The following ASCC3 variants were observed in gnomAD, a reference collection of about 807,000 sequenced individuals.
ASCC3 encodes the protein activating signal cointegrator 1 complex subunit 3.
ASCC3 carries 158 observed loss-of-function variants against 256.3 expected under a neutral mutation model. The observed-to-expected ratio is 0.62, with a 90% CI of 0.54 to 0.70. The LOEUF is 0.70. Among genes scored for constraint, ASCC3 ranks in the 30% least tolerant of loss-of-function variants. The pLI, the probability that ASCC3 is intolerant of heterozygous loss-of-function variation, is 0.00. For synonymous variants in ASCC3, 948 were observed against 883.4 expected (o/e 1.07, Z -1.30); for missense variants, 2,259 against 2,626.0 (o/e 0.86, Z 3.05).
At chr6:100,534,008 C>T (rs1010666689) in intron 37 of ASCC3, among the ~76,000 whole-genome samples, 2 of 152,146 alleles carry the variant, frequency 1.3e-5, no homozygotes, top group African/African-American at 2.4e-5. Flanking sequence ...CAGGGCTGGG[C>T]GTGGTGGCTC....
chr6:100,752,409 T>C lies in ASCC3; in HGVS notation c.1737+14156A>G, dbSNP rs150738925. Among the ~76,000 whole-genome samples, 49 of 152,214 alleles carry C rather than the reference T, an allele frequency of 3.2e-4. No individual in the cohort carries two copies. The East Asian group carries it at 8.9e-3, about 28-fold the overall frequency. On this transcript the variant is annotated intron_variant, in intron 10 of 41. Transcript: ENST00000369162. Reference sequence around the variant, plus strand: ...TAGAAATTATATATGGAAACCCAAATAAAGTGGCATTACATTTCCAACTTA... The same window carrying C: ...TAGAAATTATATATGGAAACCCAAACAAAGTGGCATTACATTTCCAACTTA...
chr6:100,723,906 A>T (rs1469718687), intron 11 of ASCC3, among the ~76,000 whole-genome samples: 2 of 142,088 alleles, frequency 1.4e-5, no homozygotes, highest in African/African-American at 5.1e-5. Flanking sequence ...ATTTATAATT[A>T]TATATATGAC....
intron 13 of ASCC3, among the ~76,000 whole-genome samples, chr6:100,697,150 C>T (rs963575117): frequency 1.3e-5 from 2 of 151,970 alleles, no homozygotes; most frequent in African/African-American, 4.8e-5. Flanking sequence ...AAAGCACATA[C>T]ATGCAGGGCC....
At chr6:100,669,095 TAAAAG>T (rs1243001693) in intron 14 of ASCC3, among the ~76,000 whole-genome samples, 1 of 151,160 alleles carries the variant, frequency 6.6e-6, no homozygotes, top group Non-Finnish European at 1.5e-5. Context: ...CTAAATAAAA[TAAAAG>T]AATTTGGAAA....
intron 36 of ASCC3, among the ~76,000 whole-genome samples, chr6:100,572,161 GAAGTGGGGGCTTT>G (rs1222209582): frequency 6.6e-6 from 1 of 152,130 alleles, no homozygotes; most frequent in Admixed American, 6.6e-5. Flanking sequence ...ATGGTGTTTG[GAAGTGGGGGCTTT>G]GGGGAGGGGG....
intron 2 of ASCC3, among the ~76,000 whole-genome samples, chr6:100,864,833 G>C (rs2114548234): frequency 6.6e-6 from 1 of 152,250 alleles, no homozygotes; most frequent in Admixed American, 6.5e-5. Context: ...CAAGGTGTTG[G>C]CAGGTTTGGG....
At chr6:100,662,659 T>C in intron 14 of ASCC3, 123 bp from the exon 15 acceptor site, 1 of 837,582 alleles carries the variant, frequency 1.2e-6, no homozygotes. Context: ...AAGGTATTAC[T>C]AGGTCTTAGT....
At chr6:100,694,146 G>T (rs1180148012) in intron 13 of ASCC3, among the ~76,000 whole-genome samples, 2 of 151,340 alleles carry the variant, frequency 1.3e-5, no homozygotes, top group African/African-American at 4.9e-5. Context: ...AATATTTTTG[G>T]GAAAAAAATT....
At chr6:100,803,849 C>G (rs956414984) in intron 5 of ASCC3, among the ~76,000 whole-genome samples, 1 of 152,018 alleles carries the variant, frequency 6.6e-6, no homozygotes, top group Non-Finnish European at 1.5e-5. Context: ...GAGGACGTAA[C>G]TTACAAGAAG....
In ASCC3 at chr6:100,661,769, A is replaced by G. The variant is rs1776231991; in HGVS notation, c.2703+37T>C. The G allele has an allele frequency of 1.9e-6, 3 of 1,591,088 alleles. No individual in the cohort carries two copies. The Admixed American group carries it at 5.0e-5, about 27-fold the overall frequency. On this transcript the variant is annotated intron_variant, in intron 16 of 41. Coordinates refer to ENST00000369162, the MANE Select transcript of ASCC3 (RefSeq NM_006828.4). ...TCTTTCTTGGTCATTCTTAAGGCTGATGATTCTATTCCAAACTTTTACTCA... is the reference window on the plus strand; with the variant it reads ...TCTTTCTTGGTCATTCTTAAGGCTGGTGATTCTATTCCAAACTTTTACTCA...
intron 12 of ASCC3, 145 bp downstream of exon 12, chr6:100,717,930 A>G: frequency 1.5e-6 from 1 of 670,968 alleles, no homozygotes; most frequent in Non-Finnish European, 2.5e-6. Flanking sequence ...TCACATCTGT[A>G]ATGTGATTCA....
At chr6:100,805,098 T>TTA (rs763285940) in intron 5 of ASCC3, among the ~76,000 whole-genome samples, 1,785 of 152,240 alleles carry the variant, frequency 0.012, 11 homozygotes, top group Non-Finnish European at 0.018. Context: ...TTCTGTTTCC[T>TTA]GAATTGAGTC....
chr6:100,601,442 A>T (rs1205112629), intron 34 of ASCC3, among the ~76,000 whole-genome samples: 1 of 151,812 alleles, frequency 6.6e-6, no homozygotes, highest in Non-Finnish European at 1.5e-5. Context: ...TGCCCCACAA[A>T]TTTTTTTCCA....
chr6:100,607,790 A>G (rs1056582276), intron 30 of ASCC3, among the ~76,000 whole-genome samples: 5 of 151,532 alleles, frequency 3.3e-5, no homozygotes, highest in Non-Finnish European at 5.9e-5. Flanking sequence ...CAATGTTACT[A>G]TGTTCTCAAA....
At chr6:100,707,344 G>A (rs1448288966) in intron 13 of ASCC3, among the ~76,000 whole-genome samples, 3 of 151,608 alleles carry the variant, frequency 2.0e-5, no homozygotes, top group African/African-American at 2.4e-5. Context: ...TCATATTTTT[G>A]AATGAGAAAA....
chr6:100,564,085 A>C (rs561301946), intron 36 of ASCC3, among the ~76,000 whole-genome samples: 39 of 151,770 alleles, frequency 2.6e-4, no homozygotes, highest in African/African-American at 6.8e-4. Flanking sequence ...GTGTTTCACT[A>C]TAATGTTTTT....
At chr6:100,840,900 T>C (rs1772112061) in intron 4 of ASCC3, among the ~76,000 whole-genome samples, 1 of 151,778 alleles carries the variant, frequency 6.6e-6, no homozygotes, top group Non-Finnish European at 1.5e-5. Context: ...GTATAAAGAA[T>C]GGGTGGCAAT....
chr6:100,670,662 C>T (rs546459543), intron 14 of ASCC3, among the ~76,000 whole-genome samples: 7 of 147,886 alleles, frequency 4.7e-5, no homozygotes, highest in Non-Finnish European at 7.4e-5. Flanking sequence ...TCTTTTAATC[C>T]GCAGTTGGCT....
chr6:100,516,946 C>G (rs1480624875), intron 38 of ASCC3, among the ~76,000 whole-genome samples: 1 of 151,942 alleles, frequency 6.6e-6, no homozygotes, highest in Non-Finnish European at 1.5e-5. Context: ...GTGGTAGTAC[C>G]CTAATGTGCG....
Sources: gnomAD v4.1 joint callset for allele counts (sites outside exome capture counted in the v4.1 genomes callset) on GRCh38, gnomAD v4.1.1 for gene constraint, MANE v1.5 for transcripts, NCBI Gene and HGNC (gene_info 2026-07-23, HGNC 2026-07-21) for gene names.